Variants in NCAM2 observed in about 807,000 individuals in gnomAD.
The protein encoded by NCAM2 is N-CAM-2.
In NCAM2, 30 loss-of-function variants were observed where a neutral mutation model predicts 98.1. That is an observed-to-expected ratio of 0.31 (90% CI 0.23 to 0.41). NCAM2 has a LOEUF of 0.41. NCAM2 is among the 10% of genes least tolerant of loss of function. The pLI, the probability that NCAM2 is intolerant of heterozygous loss-of-function variation, is 1.00. For missense variants in NCAM2, 867 were observed against 1,005.8 expected (o/e 0.86, Z 1.87); for synonymous variants, 368 against 342.4 (o/e 1.07, Z -0.83).
chr21:21,107,211 A>T (rs969451), intron 1 of NCAM2, among the ~76,000 whole-genome samples: 3,806 of 152,206 alleles, frequency 0.025, 88 homozygotes, highest in East Asian at 0.11. Flanking sequence ...TTTTATCATT[A>T]TCACAACATG....
intron 16 of NCAM2, among the ~76,000 whole-genome samples, chr21:21,513,661 G>T (rs1988530902): frequency 6.6e-6 from 1 of 152,114 alleles, no homozygotes; most frequent in East Asian, 1.9e-4. Context: ...AGAAGAAAGT[G>T]TATTCTTAAA....
At chr21:21,255,903 C>T (rs2071649646) in intron 1 of NCAM2, among the ~76,000 whole-genome samples, 1 of 152,082 alleles carries the variant, frequency 6.6e-6, no homozygotes. Context: ...TGACTGTGAC[C>T]TCAACATAAT....
At chr21:21,523,466 T>C (rs547570683) in intron 16 of NCAM2, among the ~76,000 whole-genome samples, 1 of 151,414 alleles carries the variant, frequency 6.6e-6, no homozygotes, top group African/African-American at 2.4e-5. Flanking sequence ...TTCCCTAATA[T>C]ATGTTTAAAG....
intron 1 of NCAM2, among the ~76,000 whole-genome samples, chr21:21,226,091 G>A (rs1439287414): frequency 2.0e-5 from 3 of 151,912 alleles, no homozygotes; most frequent in African/African-American, 7.2e-5. Context: ...TCACTTATAA[G>A]TAAGATATAA....
At chr21:21,369,505 T>C (rs2075865328) in intron 8 of NCAM2, among the ~76,000 whole-genome samples, 1 of 151,890 alleles carries the variant, frequency 6.6e-6, no homozygotes, top group African/African-American at 2.4e-5. Context: ...ATTCTCTGTT[T>C]AACATTTGGA....
At chr21:21,264,911 CAT>C (rs1491208965) in intron 1 of NCAM2, among the ~76,000 whole-genome samples, 1 of 116,098 alleles carries the variant, frequency 8.6e-6, no homozygotes, top group African/African-American at 3.1e-5. Flanking sequence ...TATATATACA[CAT>C]ATATTAGATA....
At chr21:21,198,050 G>C (rs1161234298) in intron 1 of NCAM2, among the ~76,000 whole-genome samples, 1 of 151,980 alleles carries the variant, frequency 6.6e-6, no homozygotes, top group Non-Finnish European at 1.5e-5. Context: ...TCACTCTTAT[G>C]GGTAATCATG....
chr21:21,044,411 T>G (rs2064968506), intron 1 of NCAM2, among the ~76,000 whole-genome samples: 1 of 152,304 alleles, frequency 6.6e-6, no homozygotes, highest in Non-Finnish European at 1.5e-5. Flanking sequence ...TAATAAATGG[T>G]TCCTCTTTGC....
intron 3 of NCAM2, 140 bp downstream of exon 3, chr21:21,284,540 T>G: frequency 1.2e-5 from 8 of 672,954 alleles, no homozygotes. Context: ...TTTACCAGAG[T>G]GTATCTTAGA....
At chr21:21,342,653 G>A (rs1055508407) in intron 8 of NCAM2, among the ~76,000 whole-genome samples, 5 of 152,050 alleles carry the variant, frequency 3.3e-5, no homozygotes, top group African/African-American at 1.2e-4. Flanking sequence ...TCTCACTTCT[G>A]CCACAGTATA....
intron 1 of NCAM2, among the ~76,000 whole-genome samples, chr21:21,107,011 T>A (rs1287853287): frequency 6.6e-6 from 1 of 152,126 alleles, no homozygotes; most frequent in Non-Finnish European, 1.5e-5. Flanking sequence ...TATATTTGCC[T>A]TTTTAGAGAG....
intron 1 of NCAM2, among the ~76,000 whole-genome samples, chr21:21,018,847 A>AG (rs1568932511): frequency 3.0e-4 from 45 of 151,852 alleles, no homozygotes; most frequent in African/African-American, 9.4e-4. Flanking sequence ...AAATATTTAG[A>AG]GAGCTTTCCT....
At chr21:21,176,101 C>T (rs547961636) in intron 1 of NCAM2, among the ~76,000 whole-genome samples, 1 of 152,222 alleles carries the variant, frequency 6.6e-6, no homozygotes, top group East Asian at 1.9e-4. Context: ...GAAAGAAAAG[C>T]ATTAGGGTAG....
intron 1 of NCAM2, among the ~76,000 whole-genome samples, chr21:21,028,902 C>G (rs1053009861): frequency 2.6e-5 from 4 of 152,120 alleles, no homozygotes; most frequent in Admixed American, 2.6e-4. Flanking sequence ...TGTAAGCTAT[C>G]ATCATAGGTA....
chr21:21,304,184 AAT>A (rs1461596594), intron 5 of NCAM2, among the ~76,000 whole-genome samples: 3 of 152,114 alleles, frequency 2.0e-5, no homozygotes, highest in Admixed American at 2.0e-4. Context: ...GTGTAAAACA[AAT>A]ATGTTAATAC....
At position 21,154,466 on chromosome 21, in the gene NCAM2, A is replaced by G. The variant is rs917245686; in HGVS notation, c.56-126112A>G. 2.0e-5 allele frequency among the ~76,000 whole-genome samples: 3 copies of G among 152,026 alleles called. No individual in the cohort carries two copies. The East Asian group carries it at 5.8e-4, about 29-fold the overall frequency. Reference sequence around the variant, plus strand: ...AGTGGTTCCATTAGAAAAGAGTTTTATATTAGTTAAAGATGCATAATGAAC... The same window carrying G: ...AGTGGTTCCATTAGAAAAGAGTTTTGTATTAGTTAAAGATGCATAATGAAC... On this transcript the variant is annotated intron_variant, in intron 1 of 17. Coordinates refer to ENST00000400546, the MANE Select transcript of NCAM2 (RefSeq NM_004540.5).
chr21:21,200,720 T>A (rs13049459), intron 1 of NCAM2, among the ~76,000 whole-genome samples: 147,452 of 147,454 alleles, frequency 1, 73,725 homozygotes, highest in Non-Finnish European at 1. Flanking sequence ...TGTTTGTCCT[T>A]AAAAATAGGT....
chr21:21,534,760 G>T (rs1409057536), intron 17 of NCAM2, 104 bp downstream of exon 17: 4 of 1,105,996 alleles, frequency 3.6e-6, no homozygotes, highest in East Asian at 3.2e-5. Flanking sequence ...ATTTGTAAAA[G>T]AATTGTGCTT....
chr21:21,322,783 C>T (rs2074410244), intron 5 of NCAM2, among the ~76,000 whole-genome samples: 1 of 152,112 alleles, frequency 6.6e-6, no homozygotes. Flanking sequence ...ACTCAGAAAA[C>T]ATATGAAATT....
Sources: allele counts gnomAD v4.1 joint callset (sites outside exome capture counted in the v4.1 genomes callset), GRCh38; gene constraint gnomAD v4.1.1; transcripts MANE v1.5; gene names NCBI Gene and HGNC (gene_info 2026-07-23, HGNC 2026-07-21).